Variants in DACT2 observed in about 807,000 individuals in gnomAD.
The protein encoded by DACT2 is dishevelled binding antagonist of beta catenin 2.
DACT2 carries 20 observed loss-of-function variants against 22.2 expected under a neutral mutation model. That is an observed-to-expected ratio of 0.90 (90% CI 0.63 to 1.31). The LOEUF is 1.31. Among genes scored for constraint, DACT2 ranks in the 50% most tolerant of loss-of-function variants. DACT2 has a pLI of 0.00. For synonymous variants in DACT2, 463 were observed against 479.8 expected, an observed-to-expected ratio of 0.96 and a Z score of 0.46; for missense variants, 1,048 against 1,061.4, an observed-to-expected ratio of 0.99 and a Z score of 0.18.
chr6:168,311,895 G>A (rs1456374753), intron 1 of DACT2, among the ~76,000 whole-genome samples: 5 of 152,196 alleles, frequency 3.3e-5, no homozygotes, highest in East Asian at 1.9e-4. Flanking sequence ...TTACTCTCCT[G>A]TACTAACGCT....
At chr6:168,311,552 A>C (rs1583300452) in intron 1 of DACT2, among the ~76,000 whole-genome samples, 3 of 46,856 alleles carry the variant, frequency 6.4e-5, no homozygotes, top group African/African-American at 1.3e-4. Context: ...ACACACACAT[A>C]CACACACTCA....
At chr6:168,314,390 T>C (rs187445090) in intron 1 of DACT2, among the ~76,000 whole-genome samples, 1 of 152,164 alleles carries the variant, frequency 6.6e-6, no homozygotes, top group East Asian at 1.9e-4. Flanking sequence ...TGGGATCAGC[T>C]GGGCACACCT....
chr6:168,310,223 G>A lies in DACT2; in HGVS notation c.603C>T (p.Ser201=), dbSNP rs754128159. 1.1e-5 allele frequency: 17 copies of A among 1,550,942 alleles called. No individual in the cohort carries two copies. The highest frequency in any genetic ancestry group is 4.8e-5 in the South Asian group (4 of 84,044). Residue 201 remains serine (S), a synonymous_variant, in exon 3 of 4, where the codon AGC becomes AGT. Coordinates refer to ENST00000366795, the MANE Select transcript of DACT2 (RefSeq NM_214462.5). ...ATEEGARPPG[S]VEDAGQPWGT... is the part of the protein sequence containing the mutation. ...CCCACGGCTGGCCTGCATCCTCCAC[G>A]CTCCCTGGGGGCCTGGCGCCCTCCT...
At chr6:168,304,164 T>C (rs548815702), downstream of DACT2, among the ~76,000 whole-genome samples, 12 of 152,338 alleles carry the variant, frequency 7.9e-5, no homozygotes, top group East Asian at 2.3e-3. Flanking sequence ...ATCTAATCAA[T>C]CACACCCCCT....
At position 168,319,483 on chromosome 6, in the gene DACT2, G is replaced by T. The variant is rs1779594602; in HGVS notation, c.151C>A (p.Pro51Thr). The change falls in exon 1 of 4, where the codon CCC becomes ACC. Residue 51 changes from proline (P) to threonine (T), a missense_variant. Pro to Thr is a conservative substitution (Grantham distance 38). Transcript: ENST00000366795. ...CAGGGCGCGGCGGGCGCGGGCGGGG[G>T]CTGCAGGGCCAGGGCGCCCCGTACC... ...ERVRGALALQ[P>T]PPAPAAPCGP... 4 of 1,206,786 alleles carry T rather than the reference G, an allele frequency of 3.3e-6. No homozygotes were observed. The South Asian group carries it at 1.6e-4, about 48-fold the overall frequency. 74.8% of individuals were successfully genotyped at this position (1,206,786 alleles called of 1,614,324 possible). A position where few individuals can be genotyped will look rare whatever the true frequency, so the allele number is the denominator to read the frequency against.
downstream of DACT2, among the ~76,000 whole-genome samples, chr6:168,306,740 A>G (rs185133150): frequency 2.2e-3 from 331 of 151,966 alleles, 1 homozygote; most frequent in African/African-American, 7.5e-3. Flanking sequence ...GTGAGCCACC[A>G]CGCCCGGCCT....
chr6:168,310,130 C>T lies in DACT2; in HGVS notation c.658+38G>A, dbSNP rs762425949. ...GACTGCACTCTGCCATCCCCTGTGC[C>T]TGAGATGAGACCCCCACCTTCCCTG... On this transcript the variant is annotated intron_variant, in intron 3 of 3. Transcript: ENST00000366795. The T allele has an allele frequency of 2.3e-5, 35 of 1,544,948 alleles. 1 individual carries two copies. The highest frequency in any genetic ancestry group is 2.3e-4 in the Middle Eastern group (1 of 4,408).
At position 168,308,346 on chromosome 6, in the gene DACT2, G is replaced by T. The variant is rs1342381065; in HGVS notation, c.1411C>A (p.Pro471Thr). The change falls in exon 4 of 4, where the codon CCC becomes ACC. Residue 471 changes from proline to threonine, a missense_variant. By Grantham distance (38) the Pro-to-Thr change is conservative. Transcript: ENST00000366795. ...ISPSRMLDKSPSPASGHFAHP... is the reference protein window; with the variant it reads ...ISPSRMLDKSTSPASGHFAHP... ...GCAAAGTGCCCAGAGGCCGGTGAGGGGCTCTTGTCCAGCATCCTGGATGGG... is the reference window on the plus strand; with the variant it reads ...GCAAAGTGCCCAGAGGCCGGTGAGGTGCTCTTGTCCAGCATCCTGGATGGG... 2 of 1,551,884 alleles carry T rather than the reference G, an allele frequency of 1.3e-6. No individual in the cohort carries two copies. Among genetic ancestry groups the T allele is most frequent in the Non-Finnish European group, 1.7e-6 (2 of 1,147,064 alleles).
chr6:168,307,195 C>T lies in DACT2; in HGVS notation c.*237G>A, dbSNP rs760085786. 57 of 1,377,708 alleles carry T rather than the reference C, an allele frequency of 4.1e-5. No homozygotes were observed. Among genetic ancestry groups the T allele is most frequent in the East Asian group, 5.7e-5 (2 of 35,210 alleles). The allele number at this position is 1,377,708 out of a possible 1,614,324, so 85.3% of individuals were successfully genotyped here. A position where few individuals can be genotyped will look rare whatever the true frequency, so the allele number is the denominator to read the frequency against. On this transcript the variant is annotated 3_prime_UTR_variant, in exon 4 of 4. Transcript: ENST00000366795. This position sits in a 1 kb window ranked among gnomAD's most constrained non-coding sequence, Gnocchi z 5.3. ...CAGACCTTGAAAAGAGACACTAGGT[C>T]GGCCGGGGAGGCTGCTGGCATCTGA...
intron 1 of DACT2, among the ~76,000 whole-genome samples, chr6:168,316,013 A>T (rs1779535294): frequency 6.6e-6 from 1 of 152,222 alleles, no homozygotes; most frequent in Non-Finnish European, 1.5e-5. Context: ...TTCTCTTTTG[A>T]TCACATAATC....
In DACT2 at chr6:168,310,449, G is replaced by GGACC. The variant is rs1779369417; in HGVS notation, c.380-4_380-3insGGTC. On this transcript the variant is annotated splice_polypyrimidine_tract_variant and splice_region_variant and intron_variant, in intron 2 of 3. Transcript: ENST00000366795. ...ACCGTCGCTCATCTCGTAAAAGCCTGGACGGAGCAGACAAGGCAGGTCAGT... is the reference window on the plus strand; with the variant it reads ...ACCGTCGCTCATCTCGTAAAAGCCTGGACCGACGGAGCAGACAAGGCAGGTCAGT... 6.5e-7 allele frequency: 1 copy of GGACC among 1,547,588 alleles called. No homozygotes were observed. Among genetic ancestry groups the GGACC allele is most frequent in the African/African-American group, 1.4e-5 (1 of 72,940 alleles).
intron 3 of DACT2, among the ~76,000 whole-genome samples, chr6:168,309,385 C>T (rs912775403): frequency 1.0e-4 from 6 of 59,692 alleles, no homozygotes; most frequent in African/African-American, 2.7e-4. Context: ...GCGTGGGGCC[C>T]GTCTGCATCT....
chr6:168,309,435 C>T (rs966357066), intron 3 of DACT2, among the ~76,000 whole-genome samples: 1 of 151,588 alleles, frequency 6.6e-6, no homozygotes, highest in African/African-American at 2.4e-5. Context: ...ACACAGGGTG[C>T]GGGGCCGTTT....
chr6:168,310,482 A>T (rs773442999), intron 2 of DACT2, 36 bp from the exon 3 acceptor site: 90 of 1,530,346 alleles, frequency 5.9e-5, no homozygotes, highest in Non-Finnish European at 7.8e-5. Flanking sequence ...AGTGACCCCC[A>T]TCCAGAAAAG....
At chr6:168,296,466 A>G (rs1779011136) in intron 3 of DACT2, among the ~76,000 whole-genome samples, 1 of 147,624 alleles carries the variant, frequency 6.8e-6, no homozygotes, top group African/African-American at 2.6e-5. Context: ...GGAGATGGTC[A>G]TGGAGGTCAT....
exon 6 of DACT2, chr6:168,292,923 T>C (rs983858231): frequency 1.3e-5 from 2 of 152,182 alleles, no homozygotes; most frequent in African/African-American, 4.8e-5. Flanking sequence ...GAAAACCAGA[T>C]GTGAGTATTA....
At chr6:168,318,213 G>T (rs1157545060) in intron 1 of DACT2, among the ~76,000 whole-genome samples, 1 of 152,274 alleles carries the variant, frequency 6.6e-6, no homozygotes, top group South Asian at 2.1e-4. Flanking sequence ...TTGGTCACTG[G>T]GTGAGTAAAC....
chr6:168,313,995 CGCTTGT>C (rs1779486881), intron 1 of DACT2, among the ~76,000 whole-genome samples: 1 of 93,422 alleles, frequency 1.1e-5, no homozygotes, highest in Non-Finnish European at 2.3e-5. Context: ...ATTCACGCCG[CGCTTGT>C]AACCCCGACC....
downstream of DACT2, among the ~76,000 whole-genome samples, chr6:168,306,298 A>C (rs1431348358): frequency 6.6e-6 from 1 of 152,184 alleles, no homozygotes; most frequent in Non-Finnish European, 1.5e-5. Flanking sequence ...TGCTTTCTGA[A>C]TTGAAAATGC....
Sources: gnomAD v4.1 joint callset for allele counts (sites outside exome capture counted in the v4.1 genomes callset) on GRCh38, gnomAD v4.1.1 for gene constraint, Gnocchi (gnomAD v3.1) non-coding constraint, MANE v1.5 for transcripts, NCBI Gene and HGNC (gene_info 2026-07-23, HGNC 2026-07-21) for gene names.